The following ARHGAP5 variants were observed in gnomAD, a reference collection of about 807,000 sequenced individuals.
ARHGAP5 encodes Rho GTPase activating protein 5.
In ARHGAP5, 23 loss-of-function variants were observed where a neutral mutation model predicts 116.6. That is an observed-to-expected ratio of 0.20 (90% CI 0.14 to 0.28). The LOEUF is 0.28. ARHGAP5 is among the 10% of genes least tolerant of loss of function. ARHGAP5 has a pLI of 1.00. For synonymous variants in ARHGAP5, 574 were observed against 602.0 expected (o/e 0.95, Z 0.68); for missense variants, 1,405 against 1,774.8 (o/e 0.79, Z 3.74).
chr14:32,124,376 G>A (rs1268995241), intron 3 of ARHGAP5, among the ~76,000 whole-genome samples: 1 of 152,166 alleles, frequency 6.6e-6, no homozygotes, highest in African/African-American at 2.4e-5. Flanking sequence ...CATGGTGGAA[G>A]CAGATGTCCC....
intron 3 of ARHGAP5, among the ~76,000 whole-genome samples, chr14:32,131,831 G>T (rs944751728): frequency 6.6e-6 from 1 of 152,038 alleles, no homozygotes; most frequent in African/African-American, 2.4e-5. Context: ...GAGAACATGC[G>T]GTGTTTGGTT....
rs1881914608 is a variant in ARHGAP5, at chr14:32,156,846, G to GA, written c.*1904dup. The GA allele has an allele frequency of 6.6e-6, 1 of 152,272 alleles. No individual in the cohort carries two copies. Among genetic ancestry groups the GA allele is most frequent in the African/African-American group, 2.4e-5 (1 of 41,424 alleles). The allele number at this position is 152,272 out of a possible 1,614,324, so 9.4% of individuals were successfully genotyped here. On this transcript the variant is annotated 3_prime_UTR_variant, in exon 7 of 7. Transcript: ENST00000345122. ...AGACAAAGCATCAAACTATGTACAG[G>GA]AAAAAAGCCTGACTATTTCTATTTG...
At chr14:32,112,600 C>T (rs192883500) in intron 2 of ARHGAP5, among the ~76,000 whole-genome samples, 46 of 152,220 alleles carry the variant, frequency 3.0e-4, no homozygotes, top group Admixed American at 2.2e-3. Context: ...CGGTAGGGCG[C>T]GGTGGCTCAC....
rs751933421 is a variant in ARHGAP5, at chr14:32,092,149, C to A, written c.1480C>A (p.Leu494Ile). Residue 494 changes from leucine to isoleucine, a missense_variant, in exon 2 of 7, where the codon CTT (leucine) becomes ATT (isoleucine). Leu to Ile is a conservative substitution (Grantham distance 5). Transcript: ENST00000345122. This position sits in a 1 kb window ranked among gnomAD's most constrained non-coding sequence, Gnocchi z 4.1. ...EKAKEEFQEM[L>I]FEHSELFYDL... is the part of the protein sequence containing the mutation. ...AGCCAAAGAAGAGTTTCAAGAAATGCTTTTTGAGCATTCTGAACTTTTTTA... is the reference window on the plus strand; with the variant it reads ...AGCCAAAGAAGAGTTTCAAGAAATGATTTTTGAGCATTCTGAACTTTTTTA... 14 of 1,613,722 alleles carry A rather than the reference C, an allele frequency of 8.7e-6. No individual in the cohort carries two copies. In the South Asian group the frequency reaches 1.5e-4, roughly 18 times the overall value.
chr14:32,143,239 G>GTTATTATTATTATTATTATTATTA (rs879687026), intron 3 of ARHGAP5, among the ~76,000 whole-genome samples: 3 of 143,886 alleles, frequency 2.1e-5, no homozygotes, highest in African/African-American at 8.1e-5. Context: ...TGTTGTTGTT[G>GTTATTATTATTATTATTATTATTA]TTATTATTAT....
chr14:32,120,076 C>T (rs377306742), intron 3 of ARHGAP5, among the ~76,000 whole-genome samples: 1 of 151,994 alleles, frequency 6.6e-6, no homozygotes, highest in African/African-American at 2.4e-5. Context: ...GAAGTGATTT[C>T]GACCTGGAAT....
rs1357860948 is a variant in ARHGAP5 at position 32,159,023 on chromosome 14, G to A, written c.*4075G>A. 1 of 152,050 alleles carries A rather than the reference G, an allele frequency of 6.6e-6. No individual in the cohort carries two copies. Among genetic ancestry groups the A allele is most frequent in the Non-Finnish European group, 1.5e-5 (1 of 67,934 alleles). The allele number at this position is 152,050 out of a possible 1,614,324, so 9.4% of individuals were successfully genotyped here. A position where few individuals can be genotyped will look rare whatever the true frequency, so the allele number is the denominator to read the frequency against. Reference sequence around the variant, plus strand: ...TGTCAGGGGGAGAGGAGTGGGAAGAGTCACAGAATCTCATATTCACATCTT... The same window carrying A: ...TGTCAGGGGGAGAGGAGTGGGAAGAATCACAGAATCTCATATTCACATCTT... On this transcript the variant is annotated 3_prime_UTR_variant, in exon 7 of 7. Coordinates refer to ENST00000345122, the MANE Select transcript of ARHGAP5 (RefSeq NM_001030055.2).
chr14:32,122,429 G>A (rs1315641328), intron 3 of ARHGAP5, among the ~76,000 whole-genome samples: 2 of 152,034 alleles, frequency 1.3e-5, no homozygotes, highest in Non-Finnish European at 2.9e-5. Flanking sequence ...TTTCAAATAC[G>A]ATTTGCTAAA....
chr14:32,142,407 G>A (rs1881169273), intron 3 of ARHGAP5, among the ~76,000 whole-genome samples: 1 of 152,144 alleles, frequency 6.6e-6, no homozygotes, highest in Non-Finnish European at 1.5e-5. Flanking sequence ...TTTGCTGTGT[G>A]TTGTTTATGT....
chr14:32,101,662 A>AC (rs1878798398), intron 2 of ARHGAP5, among the ~76,000 whole-genome samples: 1 of 151,990 alleles, frequency 6.6e-6, no homozygotes, highest in Non-Finnish European at 1.5e-5. Context: ...CAAAAAAAAA[A>AC]AAAAACTGGG....
Position 32,091,741 on chromosome 14 carries a change from C to G in ARHGAP5, c.1072C>G (p.His358Asp), listed in dbSNP as rs551907704. 6.2e-7 allele frequency: 1 copy of G among 1,613,408 alleles called. No homozygotes were observed. The highest frequency in any genetic ancestry group is 1.3e-5 in the African/African-American group (1 of 74,982). ...TLLPNLEEIEHLNWSEALKLM... is the reference protein window; with the variant it reads ...TLLPNLEEIEDLNWSEALKLM... ...TTTGCCAAATCTAGAAGAGATTGAA[C>G]ATTTGAATTGGTCAGAAGCTTTGAA... Residue 358 changes from histidine to aspartate, a missense_variant, in exon 2 of 7, where the codon CAT (histidine) becomes GAT (aspartate). Physicochemically the swap from His to Asp is moderately conservative, Grantham distance 81. Around this residue, in one of 6 missense-constraint regions of ARHGAP5, gnomAD observed 944 missense variants for 1,095.3 expected, o/e 0.86. Transcript: ENST00000345122.
At chr14:32,131,373 T>TA (rs1172104241) in intron 3 of ARHGAP5, among the ~76,000 whole-genome samples, 1 of 152,120 alleles carries the variant, frequency 6.6e-6, no homozygotes, top group African/African-American at 2.4e-5. Flanking sequence ...ATACATAACG[T>TA]AAAATGTGTC....
chr14:32,139,392 T>G (rs1347863624), intron 3 of ARHGAP5, among the ~76,000 whole-genome samples: 1 of 152,188 alleles, frequency 6.6e-6, no homozygotes, highest in East Asian at 1.9e-4. Context: ...CTCATTTGTT[T>G]ATAGAGCTGT....
At chr14:32,078,105 T>A (rs750016353) in intron 1 of ARHGAP5, 1 of 132,126 alleles carries the variant, frequency 7.6e-6, no homozygotes, top group African/African-American at 2.9e-5. Context: ...GAGTTTTCGC[T>A]AGAATAACCT....
chr14:32,129,646 A>C lies in ARHGAP5; in HGVS notation c.3865+12359A>C, dbSNP rs922781007. 2.0e-5 allele frequency among the ~76,000 whole-genome samples: 3 copies of C among 152,270 alleles called. No homozygotes were observed. In the South Asian group the frequency reaches 6.2e-4, roughly 32 times the overall value. ...TCAGCTTTCCCACTTGATGCTTTCA[A>C]GAACTCCCACTTTTTTTTTTTTAAT... On this transcript the variant is annotated intron_variant, in intron 3 of 6. Transcript: ENST00000345122.
At chr14:32,147,092 A>C (rs548396646) in intron 4 of ARHGAP5, among the ~76,000 whole-genome samples, 2 of 152,356 alleles carry the variant, frequency 1.3e-5, no homozygotes, top group Non-Finnish European at 2.9e-5. Context: ...TTAGGAGTAA[A>C]AAAAGCCGAA....
At chr14:32,142,687 T>C (rs1001764229) in intron 3 of ARHGAP5, among the ~76,000 whole-genome samples, 2 of 152,244 alleles carry the variant, frequency 1.3e-5, no homozygotes, top group African/African-American at 4.8e-5. Flanking sequence ...CTGGCACTTG[T>C]GTAACCCACA....
chr14:32,119,354 G>A (rs1384227024), intron 3 of ARHGAP5, among the ~76,000 whole-genome samples: 1 of 152,110 alleles, frequency 6.6e-6, no homozygotes, highest in East Asian at 1.9e-4. Flanking sequence ...ATCCTTAGAT[G>A]TAGTGATATA....
intron 3 of ARHGAP5, among the ~76,000 whole-genome samples, chr14:32,132,461 G>T (rs1880553786): frequency 6.6e-6 from 1 of 152,144 alleles, no homozygotes; most frequent in Admixed American, 6.5e-5. Context: ...ATTTGTTTGA[G>T]TTCATTATAG....
Sources: gnomAD v4.1 joint callset for allele counts (sites outside exome capture counted in the v4.1 genomes callset) on GRCh38, gnomAD v4.1.1 for gene constraint, gnomAD v4.1.1 regional missense constraint, Gnocchi (gnomAD v3.1) non-coding constraint, MANE v1.5 for transcripts, NCBI Gene and HGNC (gene_info 2026-07-23, HGNC 2026-07-21) for gene names.